The following ESD variants were observed in gnomAD, a reference collection of about 807,000 sequenced individuals.
ESD encodes S-formylglutathione hydrolase.
ESD carries 34 observed loss-of-function variants against 38.1 expected under a neutral mutation model. The ratio of observed to expected loss-of-function variants is 0.89; its 90% CI spans 0.68 to 1.19. The LOEUF is 1.19. ESD is among the 50% of genes most tolerant of loss of function. The pLI is 0.00. For synonymous variants in ESD, 97 were observed against 107.0 expected (o/e 0.91, Z 0.58); for missense variants, 334 against 327.2 (o/e 1.02, Z -0.16).
At position 46,789,991 on chromosome 13, in the gene ESD, C is replaced by CATATATATAT. The variant is rs1163985354; in HGVS notation, c.68+1345_68+1354dup. Among the ~76,000 whole-genome samples, 661 of 140,240 alleles carry CATATATATAT rather than the reference C, an allele frequency of 4.7e-3. 4 individuals are homozygous for CATATATATAT. Among genetic ancestry groups the CATATATATAT allele is most frequent in the South Asian group, 0.039 (171 of 4,406 alleles). The allele number at this position is 140,240 out of a possible 152,430, so 92.0% of individuals were successfully genotyped here. On this transcript the variant is annotated intron_variant, in intron 3 of 9. Coordinates refer to ENST00000378720, the MANE Select transcript of ESD (RefSeq NM_001984.2). ...TAACCATGCCTGGCTAATTTTTGTA[C>CATATATATAT]ATATATATATATATATATTTTTTTT...
intron 4 of ESD, 44 bp from the exon 5 acceptor site, chr13:46,784,394 G>A (rs1875118937): frequency 7.4e-7 from 1 of 1,347,336 alleles, no homozygotes; most frequent in African/African-American, 1.4e-5. Context: ...TGGACATGAA[G>A]ATGTGCACCA....
In ESD at chr13:46,782,676, G is replaced by C; in HGVS notation, c.372C>G (p.Val124=). 1 of 1,611,680 alleles carries C rather than the reference G, an allele frequency of 6.2e-7. No individual in the cohort carries two copies. The highest frequency in any genetic ancestry group is 8.5e-7 in the Non-Finnish European group (1 of 1,178,498). Residue 124 remains valine, a synonymous_variant, in exon 6 of 10, where the codon GTC becomes GTG. Coordinates refer to ENST00000378720, the MANE Select transcript of ESD (RefSeq NM_001984.2). ...WKTNYRMYSY[V]TEELPQLINA... ...ATACAAATTAAATTACCTCCTCTGT[G>C]ACATAAGAGTACATTCTGTAGTTGG...
intron 3 of ESD, among the ~76,000 whole-genome samples, 178 bp from the exon 4 acceptor site, chr13:46,787,287 A>AT (rs1875226733): frequency 2.6e-5 from 4 of 151,998 alleles, no homozygotes; most frequent in Non-Finnish European, 5.9e-5. Context: ...CCCTTAAAGA[A>AT]AGAATGTGGT....
chr13:46,792,103 A>G (rs748286351), intron 2 of ESD, among the ~76,000 whole-genome samples: 2 of 152,120 alleles, frequency 1.3e-5, no homozygotes, highest in Admixed American at 6.5e-5. Flanking sequence ...TACATGTAAA[A>G]TGACATATTT....
chr13:46,785,380 T>C (rs563365305), intron 4 of ESD, among the ~76,000 whole-genome samples: 1 of 152,160 alleles, frequency 6.6e-6, no homozygotes, highest in East Asian at 1.9e-4. Context: ...CAAGTTTCTG[T>C]ATGGACATGT....
chr13:46,788,887 T>C (rs1384970565), intron 3 of ESD, among the ~76,000 whole-genome samples: 1 of 152,074 alleles, frequency 6.6e-6, no homozygotes, highest in Non-Finnish European at 1.5e-5. Flanking sequence ...GTCAGTTCTA[T>C]CAATTTCATC....
At chr13:46,771,579 G>A (rs1026812815) in intron 9 of ESD, 83 bp from the exon 10 acceptor site, 49 of 847,014 alleles carry the variant, frequency 5.8e-5, no homozygotes, top group Middle Eastern at 3.3e-4. Flanking sequence ...CTCTAAGGTC[G>A]TTTAATTTGC....
intron 1 of ESD, among the ~76,000 whole-genome samples, chr13:46,794,833 ACT>A (rs1287795361): frequency 6.6e-6 from 1 of 151,646 alleles, no homozygotes; most frequent in Non-Finnish European, 1.5e-5. Flanking sequence ...CTTCCCTTTC[ACT>A]CTGTCTCCTC....
In ESD at chr13:46,771,334, A is replaced by C; in HGVS notation, c.*82T>G. 1 of 708,670 alleles carries C rather than the reference A, an allele frequency of 1.4e-6. No homozygotes were observed. The highest frequency in any genetic ancestry group is 3.0e-5 in the East Asian group (1 of 32,878). 43.9% of individuals were successfully genotyped at this position (708,670 alleles called of 1,614,324 possible). ...AGCACTATAAAATCCAATGTTTTGA[A>C]TTTTTTTTTTTTTTGCTCAGCAATA... On this transcript the variant is annotated 3_prime_UTR_variant, in exon 10 of 10. Coordinates refer to ENST00000378720, the MANE Select transcript of ESD (RefSeq NM_001984.2).
chr13:46,778,997 T>C (rs1195508202), intron 8 of ESD, among the ~76,000 whole-genome samples: 2 of 151,330 alleles, frequency 1.3e-5, no homozygotes, highest in Non-Finnish European at 3.0e-5. Flanking sequence ...GTTGCATTTT[T>C]TACCCATTCA....
chr13:46,780,640 T>G (rs770545703), intron 7 of ESD, among the ~76,000 whole-genome samples: 3 of 151,642 alleles, frequency 2.0e-5, no homozygotes, highest in Non-Finnish European at 4.4e-5. Flanking sequence ...ACCTCAGACA[T>G]GATAGACTGC....
chr13:46,788,253 T>C (rs1216960), intron 3 of ESD, among the ~76,000 whole-genome samples: 7,643 of 152,072 alleles, frequency 0.05, 611 homozygotes, highest in African/African-American at 0.17. Context: ...TCATGGGAAG[T>C]TTTCTGTATG....
chr13:46,782,664 T>G lies in ESD; in HGVS notation c.381+3A>C. 1 of 1,611,038 alleles carries G rather than the reference T, an allele frequency of 6.2e-7. No individual in the cohort carries two copies. The highest frequency in any genetic ancestry group is 8.5e-7 in the Non-Finnish European group (1 of 1,178,226). ...TTAATAATTACAATACAAATTAAAT[T>G]ACCTCCTCTGTGACATAAGAGTACA... is the stretch of plus-strand genomic sequence containing the variant. On this transcript the variant is annotated splice_donor_region_variant and intron_variant, in intron 6 of 9. Coordinates refer to ENST00000378720, the MANE Select transcript of ESD (RefSeq NM_001984.2).
intron 5 of ESD, 83 bp downstream of exon 5, chr13:46,784,169 G>A: frequency 9.5e-7 from 1 of 1,047,278 alleles, no homozygotes; most frequent in Non-Finnish European, 1.4e-6. Flanking sequence ...AAAATGAATT[G>A]TATAATGTAT....
chr13:46,779,044 A>G (rs1453120109), intron 8 of ESD, among the ~76,000 whole-genome samples: 1 of 151,688 alleles, frequency 6.6e-6, no homozygotes, highest in African/African-American at 2.4e-5. Context: ...CATCATGATG[A>G]GTTCATTTGC....
chr13:46,782,004 G>A (rs181080177), intron 6 of ESD, among the ~76,000 whole-genome samples: 3 of 151,734 alleles, frequency 2.0e-5, no homozygotes, highest in East Asian at 3.9e-4. Context: ...AAAACCATAA[G>A]TATTCTATAA....
At chr13:46,796,243 A>G (rs1875571001) in intron 1 of ESD, among the ~76,000 whole-genome samples, 1 of 152,198 alleles carries the variant, frequency 6.6e-6, no homozygotes, top group Non-Finnish European at 1.5e-5. Flanking sequence ...TTTTGGGGCC[A>G]GACCCTCCGG....
intron 9 of ESD, 64 bp from the exon 10 acceptor site, chr13:46,771,560 TA>T (rs1229443114): frequency 9.9e-7 from 1 of 1,008,498 alleles, no homozygotes; most frequent in African/African-American, 1.6e-5. Context: ...TTAGGAACAT[TA>T]AATATATCTC....
chr13:46,787,250 C>T lies in ESD; in HGVS notation c.69-141G>A. ...TATTTAATGTTCAAAATAAGTGGTTCCACTAACATTTAACGAATATACTTG... is the reference window on the plus strand; with the variant it reads ...TATTTAATGTTCAAAATAAGTGGTTTCACTAACATTTAACGAATATACTTG... On this transcript the variant is annotated intron_variant, in intron 3 of 9. Coordinates refer to ENST00000378720, the MANE Select transcript of ESD (RefSeq NM_001984.2). The T allele has an allele frequency of 6.2e-6, 3 of 480,728 alleles. No homozygotes were observed. In the South Asian group the frequency reaches 1.4e-4, roughly 22 times the overall value. The allele number at this position is 480,728 out of a possible 1,614,324, so 29.8% of individuals were successfully genotyped here. A position where few individuals can be genotyped will look rare whatever the true frequency, so the allele number is the denominator to read the frequency against.
Sources: allele counts gnomAD v4.1 joint callset (sites outside exome capture counted in the v4.1 genomes callset), GRCh38; gene constraint gnomAD v4.1.1; transcripts MANE v1.5; gene names NCBI Gene and HGNC (gene_info 2026-07-23, HGNC 2026-07-21).